The following SLC9A9 variants were observed in gnomAD, a reference collection of about 807,000 sequenced individuals.
SLC9A9 encodes the protein solute carrier family 9 member A9, also known as sodium/hydrogen exchanger 9.
Under a neutral mutation model 77.8 loss-of-function variants are expected in SLC9A9, and 62 were observed. That is an observed-to-expected ratio of 0.80 (90% CI 0.65 to 0.98). The LOEUF (loss-of-function observed/expected upper bound fraction) is 0.98. Ranked by LOEUF, SLC9A9 falls within the 50% of genes least tolerant of loss-of-function variation. The probability of loss-of-function intolerance (pLI) is 0.00; values close to 1 mark genes in which losing one functional copy is unlikely to be tolerated. For synonymous variants in SLC9A9, 320 were observed against 283.5 expected, an observed-to-expected ratio of 1.13 and a Z score of -1.29; for missense variants, 775 against 774.9, an observed-to-expected ratio of 1.00 and a Z score of 0.00.
At chr3:143,463,283 G>T (rs2035228517) in intron 12 of SLC9A9, among the ~76,000 whole-genome samples, 1 of 152,166 alleles carries the variant, frequency 6.6e-6, no homozygotes, top group South Asian at 2.1e-4. Context: ...TTGCACTGTG[G>T]TATGGGCTCC....
intron 1 of SLC9A9, among the ~76,000 whole-genome samples, chr3:143,835,413 C>T (rs927613534): frequency 1.3e-5 from 2 of 152,240 alleles, no homozygotes; most frequent in African/African-American, 2.4e-5. Context: ...CCCATGCACT[C>T]ATTTGTGCAC....
chr3:143,284,908 C>A (rs1938339034), intron 14 of SLC9A9, among the ~76,000 whole-genome samples: 1 of 152,228 alleles, frequency 6.6e-6, no homozygotes, highest in Admixed American at 6.5e-5. Context: ...ATGATACAGA[C>A]AGCTCTATAT....
intron 13 of SLC9A9, among the ~76,000 whole-genome samples, chr3:143,364,203 G>A (rs1437741515): frequency 6.6e-5 from 10 of 151,202 alleles, no homozygotes; most frequent in Non-Finnish European, 1.5e-4. Flanking sequence ...GGGTGTTTTT[G>A]TGAGAGAAGA....
chr3:143,323,482 C>T (rs768285939), intron 14 of SLC9A9, among the ~76,000 whole-genome samples: 2 of 152,118 alleles, frequency 1.3e-5, no homozygotes, highest in South Asian at 4.1e-4. Flanking sequence ...AAGACAGATA[C>T]TGCTTGTTCT....
intron 5 of SLC9A9, among the ~76,000 whole-genome samples, chr3:143,666,436 G>A (rs1422502483): frequency 2.6e-5 from 4 of 152,184 alleles, no homozygotes; most frequent in African/African-American, 9.7e-5. Context: ...AGACAGGGAT[G>A]CCCTCTCTCA....
chr3:143,649,973 A>T (rs1356473845), intron 6 of SLC9A9, among the ~76,000 whole-genome samples: 1 of 151,964 alleles, frequency 6.6e-6, no homozygotes, highest in Non-Finnish European at 1.5e-5. Flanking sequence ...GCTATCTAGA[A>T]AGGCAAATAT....
At chr3:143,536,835 C>A (rs1028518433) in intron 9 of SLC9A9, among the ~76,000 whole-genome samples, 3 of 152,178 alleles carry the variant, frequency 2.0e-5, no homozygotes. Context: ...TTACAGGACT[C>A]CCCAAAGGGA....
intron 14 of SLC9A9, among the ~76,000 whole-genome samples, chr3:143,274,789 A>C (rs917485199): frequency 1.3e-5 from 2 of 152,228 alleles, no homozygotes; most frequent in African/African-American, 4.8e-5. Flanking sequence ...AATACTGATA[A>C]TGCTACCATA....
At chr3:143,702,187 G>GA (rs1486446797) in intron 4 of SLC9A9, among the ~76,000 whole-genome samples, 3 of 152,054 alleles carry the variant, frequency 2.0e-5, no homozygotes, top group African/African-American at 7.2e-5. Flanking sequence ...TAACCTTAGA[G>GA]AAAAAGATGT....
intron 14 of SLC9A9, among the ~76,000 whole-genome samples, chr3:143,291,216 G>C (rs1269561734): frequency 1.3e-5 from 2 of 152,112 alleles, no homozygotes; most frequent in Non-Finnish European, 2.9e-5. Flanking sequence ...CACCCTCCTT[G>C]TCATCATCCC....
intron 12 of SLC9A9, among the ~76,000 whole-genome samples, chr3:143,452,332 ATTTCAAGCC>A (rs2035021457): frequency 6.6e-6 from 1 of 152,082 alleles, no homozygotes; most frequent in African/African-American, 2.4e-5. Context: ...TTCAACCTGA[ATTTCAAGCC>A]TTGACCTAAT....
chr3:143,784,006 C>A (rs1483814617), intron 4 of SLC9A9, among the ~76,000 whole-genome samples: 1 of 152,222 alleles, frequency 6.6e-6, no homozygotes, highest in Non-Finnish European at 1.5e-5. Flanking sequence ...AGATGCAAAC[C>A]AGACTTCACA....
At chr3:143,416,800 T>C (rs752100367) in intron 12 of SLC9A9, among the ~76,000 whole-genome samples, 25 of 152,256 alleles carry the variant, frequency 1.6e-4, no homozygotes, top group Non-Finnish European at 3.1e-4. Flanking sequence ...ATTACATGTG[T>C]ATATCTGTAT....
At chr3:143,723,837 A>G (rs1408556751) in intron 4 of SLC9A9, among the ~76,000 whole-genome samples, 1 of 152,176 alleles carries the variant, frequency 6.6e-6, no homozygotes. Context: ...GAAAATGCAG[A>G]ATCCCAGGTC....
intron 14 of SLC9A9, among the ~76,000 whole-genome samples, chr3:143,286,946 C>T (rs947412034): frequency 1.3e-5 from 2 of 152,222 alleles, no homozygotes; most frequent in Admixed American, 1.3e-4. Context: ...CTGGACCTCA[C>T]GAGGTGTGCG....
intron 6 of SLC9A9, among the ~76,000 whole-genome samples, chr3:143,641,494 T>C (rs1359189498): frequency 1.4e-5 from 2 of 145,678 alleles, no homozygotes; most frequent in Non-Finnish European, 3.0e-5. Context: ...CCCGGGTTCA[T>C]GCCATTATCC....
intron 2 of SLC9A9, among the ~76,000 whole-genome samples, chr3:143,803,370 C>T (rs187322267): frequency 1.3e-5 from 2 of 152,300 alleles, no homozygotes; most frequent in African/African-American, 4.8e-5. Context: ...GCAGTCACCC[C>T]CACTACTTGG....
chr3:143,337,479 G>A (rs2031963424), intron 14 of SLC9A9, among the ~76,000 whole-genome samples: 1 of 152,162 alleles, frequency 6.6e-6, no homozygotes. Context: ...TCATTCACAT[G>A]TCCCCTGATG....
intron 4 of SLC9A9, among the ~76,000 whole-genome samples, chr3:143,777,332 C>T (rs965195201): frequency 1.3e-5 from 2 of 152,072 alleles, no homozygotes; most frequent in Non-Finnish European, 2.9e-5. Context: ...CTGCCTGACT[C>T]CAGTAAAATA....
Sources: gnomAD v4.1 joint callset for allele counts (sites outside exome capture counted in the v4.1 genomes callset) on GRCh38, gnomAD v4.1.1 for gene constraint, MANE v1.5 for transcripts, NCBI Gene and HGNC (gene_info 2026-07-23, HGNC 2026-07-21) for gene names.